Variants in KCNMA1 observed in about 807,000 individuals in gnomAD.
KCNMA1 encodes Calcium-activated potassium channel subunit alpha-1.
In KCNMA1, 29 loss-of-function variants were observed where a neutral mutation model predicts 140.0. The observed-to-expected ratio is 0.21, with a 90% confidence interval of 0.15 to 0.28. The LOEUF (loss-of-function observed/expected upper bound fraction) is 0.28. Ranked by LOEUF, KCNMA1 falls within the 10% of genes least tolerant of loss-of-function variation. The pLI is 1.00. For missense variants in KCNMA1, 880 were observed against 1,602.2 expected (o/e 0.55, Z 7.70); for synonymous variants, 612 against 611.9 (o/e 1.00, Z 0.00).
At chr10:77,128,023 C>T (rs1362945968) in intron 5 of KCNMA1, among the ~76,000 whole-genome samples, 1 of 151,974 alleles carries the variant, frequency 6.6e-6, no homozygotes, top group African/African-American at 2.4e-5. Flanking sequence ...ATTTGATAGA[C>T]CCCAAATAAG....
chr10:76,909,930 A>T (rs1219227645), intron 25 of KCNMA1, 36 bp downstream of exon 25: 2 of 1,607,322 alleles, frequency 1.2e-6, no homozygotes, highest in African/African-American at 1.3e-5. Context: ...CACATCCTCC[A>T]CCCTTGAGTG....
At chr10:77,497,325 A>T (rs184398896) in intron 1 of KCNMA1, among the ~76,000 whole-genome samples, 2 of 152,356 alleles carry the variant, frequency 1.3e-5, no homozygotes, top group Admixed American at 1.3e-4. Flanking sequence ...CTCAGTAGAC[A>T]TGATGGTTCA....
At chr10:77,133,776 A>T (rs374266541) in intron 5 of KCNMA1, among the ~76,000 whole-genome samples, 1 of 152,174 alleles carries the variant, frequency 6.6e-6, no homozygotes, top group Non-Finnish European at 1.5e-5. Flanking sequence ...ACACACACAT[A>T]TATTAGTAAA....
intron 7 of KCNMA1, among the ~76,000 whole-genome samples, chr10:77,111,983 A>G (rs1434212297): frequency 1.3e-5 from 2 of 152,162 alleles, no homozygotes; most frequent in African/African-American, 2.4e-5. Flanking sequence ...AGGGATCTGA[A>G]TTTGTTGTTT....
chr10:77,408,107 C>T lies in KCNMA1; in HGVS notation c.379-4084G>A, dbSNP rs148729160. On this transcript the variant is annotated intron_variant, in intron 1 of 27. Coordinates refer to ENST00000286628, the MANE Select transcript of KCNMA1 (RefSeq NM_001161352.2). The stretch of plus-strand genomic sequence containing the variant: ...GACCCAGTGACATCTCAGACCCCTT[C>T]TGACTCGCCCCATTAGATCAACCTC... Among the ~76,000 whole-genome samples, 317 of 152,294 alleles carry T rather than the reference C, an allele frequency of 2.1e-3. 1 individual carries two copies. The highest frequency in any genetic ancestry group is 7.1e-3 in the African/African-American group (295 of 41,552).
At chr10:76,909,233 T>G (rs1310301880) in intron 25 of KCNMA1, among the ~76,000 whole-genome samples, 1 of 152,106 alleles carries the variant, frequency 6.6e-6, no homozygotes, top group Non-Finnish European at 1.5e-5. Context: ...TCCTATTAAT[T>G]GTACTGCCCA....
chr10:77,594,203 G>A (rs1334537021), intron 1 of KCNMA1, among the ~76,000 whole-genome samples: 2 of 152,188 alleles, frequency 1.3e-5, no homozygotes, highest in Non-Finnish European at 2.9e-5. Context: ...CAGCCGTTCT[G>A]TCCCTGCCAT....
chr10:77,556,271 G>A lies in KCNMA1; in HGVS notation c.378+80994C>T, dbSNP rs537233525. ...TGTAATCCCAGCACTTTGGGAGGCC[G>A]AGGCAGGTGGATCATTTGAGTTTAG... On this transcript the variant is annotated intron_variant, in intron 1 of 27. Transcript: ENST00000286628. 3.4e-4 allele frequency among the ~76,000 whole-genome samples: 52 copies of A among 152,192 alleles called. 1 individual carries two copies. Among genetic ancestry groups the A allele is most frequent in the East Asian group, 1.4e-3 (7 of 5,166 alleles).
intron 1 of KCNMA1, among the ~76,000 whole-genome samples, chr10:77,487,446 G>T (rs2098474413): frequency 6.6e-6 from 1 of 152,114 alleles, no homozygotes; most frequent in Non-Finnish European, 1.5e-5. Context: ...TACACAGAAA[G>T]AGAGAGAAGT....
At chr10:77,499,495 T>C (rs1178167501) in intron 1 of KCNMA1, among the ~76,000 whole-genome samples, 1 of 151,034 alleles carries the variant, frequency 6.6e-6, no homozygotes, top group Admixed American at 6.6e-5. Flanking sequence ...TTTAATTTCA[T>C]GGTGAAGAAT....
intron 23 of KCNMA1, among the ~76,000 whole-genome samples, chr10:76,941,439 GTCTGCAGCCAGAGGTGAGC>G (rs1480796437): frequency 6.6e-6 from 1 of 152,202 alleles, no homozygotes; most frequent in Non-Finnish European, 1.5e-5. Flanking sequence ...GGAGTGCTGG[GTCTGCAGCCAGAGGTGAGC>G]TCTGGGGAAG....
intron 1 of KCNMA1, among the ~76,000 whole-genome samples, chr10:77,460,850 A>G (rs190770720): frequency 2.5e-3 from 388 of 152,334 alleles, no homozygotes; most frequent in Non-Finnish European, 4.4e-3. Context: ...TCAAGCCTGT[A>G]ATCCCAGCAC....
intron 3 of KCNMA1, among the ~76,000 whole-genome samples, chr10:77,194,198 C>T (rs1421891229): frequency 2.0e-5 from 3 of 152,116 alleles, no homozygotes; most frequent in African/African-American, 4.8e-5. Flanking sequence ...GCAGAGGCTC[C>T]TAAGAGAAAA....
At chr10:77,632,893 G>T (rs2093358507) in intron 1 of KCNMA1, among the ~76,000 whole-genome samples, 1 of 152,204 alleles carries the variant, frequency 6.6e-6, no homozygotes, top group Non-Finnish European at 1.5e-5. Context: ...TATGCTCTTG[G>T]TATAGGTGAT....
intron 5 of KCNMA1, among the ~76,000 whole-genome samples, chr10:77,179,216 C>T (rs186979028): frequency 6.8e-4 from 103 of 152,288 alleles, no homozygotes; most frequent in Non-Finnish European, 1.0e-3. Flanking sequence ...AGATAAAATG[C>T]TCATGCTGAG....
intron 1 of KCNMA1, among the ~76,000 whole-genome samples, chr10:77,590,434 G>C (rs1318683909): frequency 6.6e-6 from 1 of 152,230 alleles, no homozygotes; most frequent in Admixed American, 6.5e-5. Flanking sequence ...CCTGCGGGAA[G>C]GCAGCTAAGG....
At chr10:77,309,200 T>A (rs2078616460) in intron 2 of KCNMA1, among the ~76,000 whole-genome samples, 1 of 152,136 alleles carries the variant, frequency 6.6e-6, no homozygotes, top group Non-Finnish European at 1.5e-5. Flanking sequence ...TTCCATGATG[T>A]GATGACAGAA....
intron 2 of KCNMA1, among the ~76,000 whole-genome samples, chr10:77,358,810 T>C (rs1270010673): frequency 6.6e-6 from 1 of 152,236 alleles, no homozygotes; most frequent in Non-Finnish European, 1.5e-5. Context: ...ACATAAAACA[T>C]GTCCAAGGTC....
chr10:77,367,680 A>C (rs941798773), intron 2 of KCNMA1, among the ~76,000 whole-genome samples: 1 of 152,206 alleles, frequency 6.6e-6, no homozygotes, highest in Non-Finnish European at 1.5e-5. Flanking sequence ...CTGCCCCAAA[A>C]ACTATCTTGC....
Sources: allele counts gnomAD v4.1 joint callset (sites outside exome capture counted in the v4.1 genomes callset), GRCh38; gene constraint gnomAD v4.1.1; transcripts MANE v1.5; gene names NCBI Gene and HGNC (gene_info 2026-07-23, HGNC 2026-07-21).